The following DYNC2H1 variants were observed in gnomAD, a reference collection of about 807,000 sequenced individuals.
DYNC2H1 encodes dynein cytoplasmic 2 heavy chain 1, also known as cytoplasmic dynein 2 heavy chain 1.
In DYNC2H1, 410 loss-of-function variants were observed where a neutral mutation model predicts 570.0. The ratio of observed to expected loss-of-function variants is 0.72; its 90% CI spans 0.66 to 0.78. The LOEUF (loss-of-function observed/expected upper bound fraction) is 0.78. DYNC2H1 is among the 30% of genes least tolerant of loss of function. The probability of loss-of-function intolerance (pLI) is 0.00; values close to 1 mark genes in which losing one functional copy is unlikely to be tolerated. For missense variants in DYNC2H1, 4,865 were observed against 5,046.4 expected, an observed-to-expected ratio of 0.96 and a Z score of 1.09; for synonymous variants, 1,688 against 1,677.6, an observed-to-expected ratio of 1.01 and a Z score of -0.15.
chr11:103,335,997 ACACT>A (rs1054019746), intron 82 of DYNC2H1, among the ~76,000 whole-genome samples: 1 of 152,168 alleles, frequency 6.6e-6, no homozygotes, highest in African/African-American at 2.4e-5. Flanking sequence ...CCTGTATGAC[ACACT>A]CAGAGAGCAA....
In DYNC2H1 at chr11:103,468,577, T is replaced by C; in HGVS notation, c.12649-12T>C. On this transcript the variant is annotated splice_polypyrimidine_tract_variant and intron_variant, in intron 87 of 88. Coordinates refer to ENST00000375735, the MANE Select transcript of DYNC2H1 (RefSeq NM_001377.3). ...AATGCATATTTTCATGACATATTTG[T>C]TTCCATGGCAGATCAGTGGCTTGTT... 1 of 1,601,130 alleles carries C rather than the reference T, an allele frequency of 6.2e-7. No individual in the cohort carries two copies. Among genetic ancestry groups the C allele is most frequent in the Non-Finnish European group, 8.6e-7 (1 of 1,169,244 alleles).
At chr11:103,425,177 G>C (rs116685831) in intron 84 of DYNC2H1, among the ~76,000 whole-genome samples, 1 of 151,820 alleles carries the variant, frequency 6.6e-6, no homozygotes, top group African/African-American at 2.4e-5. Context: ...GTGGTCAAGC[G>C]ATCCTCTTGC....
intron 73 of DYNC2H1, among the ~76,000 whole-genome samples, chr11:103,285,180 A>G (rs1866295942): frequency 6.6e-6 from 1 of 152,182 alleles, no homozygotes; most frequent in African/African-American, 2.4e-5. Context: ...CCATAGGGGA[A>G]AAGAGATGTC....
rs1187575606 is a variant in DYNC2H1, at chr11:103,177,737, TA to T, written c.6057del (p.Gly2020AlafsTer15). ...AAAGCTATGCCTCGATATCAATTATTAGGCCATATTGACATGGACACAAGAG... is the reference window on the plus strand; with the variant it reads ...AAAGCTATGCCTCGATATCAATTATTGGCCATATTGACATGGACACAAGAG... Reference protein sequence around the residue: ...NPKAMPRYQLLGHIDMDTREW... With the variant: ...NPKAMPRYQLXGHIDMDTREW... On this transcript the variant is annotated frameshift_variant, in exon 38 of 89. Transcript: ENST00000375735. LOFTEE classifies it high-confidence loss of function. The surrounding 1 kb of genome is among the most constrained non-coding windows in gnomAD (Gnocchi z 4.4). 1 of 1,613,458 alleles carries T rather than the reference TA, an allele frequency of 6.2e-7. No homozygotes were observed. Among genetic ancestry groups the T allele is most frequent in the Admixed American group, 1.7e-5 (1 of 59,920 alleles).
rs113707199 is a variant in DYNC2H1 at position 103,303,103 on chromosome 11, G to A, written c.11106G>A (p.Glu3702=). 8 of 1,556,184 alleles carry A rather than the reference G, an allele frequency of 5.1e-6. No homozygotes were observed. The highest frequency in any genetic ancestry group is 7.0e-6 in the Non-Finnish European group (8 of 1,150,836). The part of the protein sequence containing the change: ...LFACKTLGLK[E]VSPLPLNLKR... The stretch of plus-strand genomic sequence containing the variant: ...AAATATATATTTTAGGACTGAAAGA[G>A]GTGTCCCCACTGCCTCTAAATCTCA... Residue 3702 remains glutamate, a synonymous_variant, in exon 76 of 89, where the codon GAG becomes GAA. Transcript: ENST00000375735.
chr11:103,197,964 T>C lies in DYNC2H1; in HGVS notation c.7740T>C (p.His2580=). The change falls in exon 48 of 89, where the codon CAT becomes CAC. Residue 2580 remains histidine, a synonymous_variant. Coordinates refer to ENST00000375735, the MANE Select transcript of DYNC2H1 (RefSeq NM_001377.3). The stretch of plus-strand genomic sequence containing the variant: ...TCTACGTTACATGGGGAGCTCGGCA[T>C]AATTCAGGAGCAAGGGCAGCCCCAG... ...DSFYVTWGAR[H]NSGARAAPGQ... 6.4e-7 allele frequency: 1 copy of C among 1,569,904 alleles called. No individual in the cohort carries two copies. Among genetic ancestry groups the C allele is most frequent in the Non-Finnish European group, 8.6e-7 (1 of 1,156,436 alleles).
Position 103,204,933 on chromosome 11 carries a change from T to C in DYNC2H1, c.8423T>C (p.Met2808Thr). ...CATAAGAAATGCCAGGTGTTGTGGA[T>C]GGAGGGTTGGTCCAATAGCAGTATG... ...ALHKKCQVLWMEGWSNSSMKK... is the reference protein window; with the variant it reads ...ALHKKCQVLWTEGWSNSSMKK... Residue 2808 changes from methionine (M) to threonine (T), a missense_variant, in exon 52 of 89, where the codon ATG becomes ACG. Met to Thr is a moderately conservative substitution (Grantham distance 81). This residue lies in a region of DYNC2H1 where 2,401 missense variants were observed against 2,454.6 expected (regional missense o/e 0.98). Coordinates refer to ENST00000375735, the MANE Select transcript of DYNC2H1 (RefSeq NM_001377.3). This position sits in a 1 kb window ranked among gnomAD's most constrained non-coding sequence, Gnocchi z 4.1. The C allele has an allele frequency of 6.3e-7, 1 of 1,592,154 alleles. No individual in the cohort carries two copies. The highest frequency in any genetic ancestry group is 1.1e-5 in the South Asian group (1 of 87,930).
chr11:103,142,164 G>A (rs1410205741), intron 17 of DYNC2H1, among the ~76,000 whole-genome samples: 3 of 152,242 alleles, frequency 2.0e-5, no homozygotes, highest in Non-Finnish European at 2.9e-5. Flanking sequence ...CACTTCGCGA[G>A]TGAGGCAATG....
Position 103,304,681 on chromosome 11 carries a change from C to A in DYNC2H1, c.11343C>A (p.Asn3781Lys). Residue 3781 changes from asparagine to lysine, a missense_variant, in exon 77 of 89, where the codon AAC becomes AAA. Physicochemically the swap from Asn to Lys is moderately conservative, Grantham distance 94. Around this residue, in one of 5 missense-constraint regions of DYNC2H1, gnomAD observed 2,401 missense variants for 2,454.6 expected, o/e 0.98. Coordinates refer to ENST00000375735, the MANE Select transcript of DYNC2H1 (RefSeq NM_001377.3). Reference sequence around the variant, plus strand: ...ATGGAGACTGGCTCTGTTTGAAGAACTTACATCTTGTGGTATCTTGGCTGC... The same window carrying A: ...ATGGAGACTGGCTCTGTTTGAAGAAATTACATCTTGTGGTATCTTGGCTGC... Reference protein sequence around the residue: ...ARNGDWLCLKNLHLVVSWLPV... With the variant: ...ARNGDWLCLKKLHLVVSWLPV... 1 of 1,613,174 alleles carries A rather than the reference C, an allele frequency of 6.2e-7. No homozygotes were observed. The highest frequency in any genetic ancestry group is 1.1e-5 in the South Asian group (1 of 91,002).
chr11:103,219,474 TG>T (rs1384031551), intron 55 of DYNC2H1, among the ~76,000 whole-genome samples: 1 of 152,010 alleles, frequency 6.6e-6, no homozygotes, highest in Non-Finnish European at 1.5e-5. Flanking sequence ...TAGCTGGGCA[TG>T]GTGGTGGGCA....
At chr11:103,475,285 A>G (rs1226597284) in intron 88 of DYNC2H1, among the ~76,000 whole-genome samples, 1 of 152,186 alleles carries the variant, frequency 6.6e-6, no homozygotes, top group East Asian at 1.9e-4. Context: ...AGTCTTCCTA[A>G]TATATCTCCT....
In DYNC2H1 at chr11:103,109,866, C is replaced by A. The variant is rs941663359; in HGVS notation, c.195+97C>A. 3.1e-6 allele frequency: 4 copies of A among 1,296,794 alleles called. No individual in the cohort carries two copies. The African/African-American group carries it at 4.5e-5, about 14-fold the overall frequency. The allele number at this position is 1,296,794 out of a possible 1,614,324, so 80.3% of individuals were successfully genotyped here. On this transcript the variant is annotated intron_variant, in intron 1 of 88. Transcript: ENST00000375735. ...GGGTCACACTCTTTAGCTTTACCAA[C>A]CAGATCCTTTTCAGGAACCCAAGGC...
chr11:103,377,805 C>G (rs1172388707), intron 83 of DYNC2H1, among the ~76,000 whole-genome samples: 1 of 152,210 alleles, frequency 6.6e-6, no homozygotes, highest in Non-Finnish European at 1.5e-5. Flanking sequence ...GGCACAATCT[C>G]TGCTCATTAT....
Position 103,282,160 on chromosome 11 carries a change from CTA to C in DYNC2H1, c.10762-15_10762-14del. The C allele has an allele frequency of 5.6e-6, 9 of 1,598,012 alleles. No homozygotes were observed. Among genetic ancestry groups the C allele is most frequent in the Non-Finnish European group, 7.7e-6 (9 of 1,172,776 alleles). ...TTATCATTTTTATATTTTTGTGTTC[CTA>C]TATTTTTATTCAATAGGAATGGGAT... On this transcript the variant is annotated splice_polypyrimidine_tract_variant and intron_variant, in intron 71 of 88. Coordinates refer to ENST00000375735, the MANE Select transcript of DYNC2H1 (RefSeq NM_001377.3).
intron 83 of DYNC2H1, among the ~76,000 whole-genome samples, chr11:103,392,312 A>G (rs992840083): frequency 6.6e-6 from 1 of 152,192 alleles, no homozygotes; most frequent in African/African-American, 2.4e-5. Flanking sequence ...TGCAGGATAC[A>G]ATCTCCTGGT....
chr11:103,290,579 C>A (rs1258843531), intron 75 of DYNC2H1, among the ~76,000 whole-genome samples: 1 of 152,042 alleles, frequency 6.6e-6, no homozygotes, highest in African/African-American at 2.4e-5. Context: ...ATAGGGCTGG[C>A]CTTTGGGTTA....
chr11:103,144,700 G>A (rs1425645897), intron 18 of DYNC2H1, among the ~76,000 whole-genome samples: 4 of 152,036 alleles, frequency 2.6e-5, no homozygotes, highest in African/African-American at 9.7e-5. Flanking sequence ...AGAGAATTTG[G>A]ATTTTATTCA....
intron 85 of DYNC2H1, among the ~76,000 whole-genome samples, chr11:103,444,146 A>C (rs186801981): frequency 0.027 from 4,122 of 151,574 alleles, 121 homozygotes; most frequent in African/African-American, 0.069. Flanking sequence ...TTTAATATTT[A>C]TCTTGCTATT....
intron 68 of DYNC2H1, among the ~76,000 whole-genome samples, chr11:103,257,261 A>G (rs771513347): frequency 6.6e-5 from 10 of 152,222 alleles, no homozygotes; most frequent in Middle Eastern, 3.4e-3. Context: ...CGAGACACCA[A>G]ATCTGTTGGC....
Sources: gnomAD v4.1 joint callset for allele counts (sites outside exome capture counted in the v4.1 genomes callset) on GRCh38, gnomAD v4.1.1 for gene constraint, gnomAD v4.1.1 regional missense constraint, Gnocchi (gnomAD v3.1) non-coding constraint, MANE v1.5 for transcripts, NCBI Gene and HGNC (gene_info 2026-07-23, HGNC 2026-07-21) for gene names.